The following TBC1D22A variants were observed in gnomAD, a reference collection of about 807,000 sequenced individuals.
TBC1D22A encodes putative GTPase activator.
TBC1D22A carries 38 observed loss-of-function variants against 60.2 expected under a neutral mutation model. The ratio of observed to expected loss-of-function variants is 0.63; its 90% CI spans 0.49 to 0.83. TBC1D22A has a LOEUF of 0.83. Ranked by LOEUF, TBC1D22A falls within the 40% of genes least tolerant of loss-of-function variation. The pLI is 0.00. For missense variants in TBC1D22A, 628 were observed against 701.0 expected, an observed-to-expected ratio of 0.90 and a Z score of 1.18; for synonymous variants, 302 against 281.7, an observed-to-expected ratio of 1.07 and a Z score of -0.72.
intron 4 of TBC1D22A, among the ~76,000 whole-genome samples, chr22:46,867,375 C>A (rs533437629): frequency 6.6e-6 from 1 of 152,268 alleles, no homozygotes; most frequent in African/African-American, 2.4e-5. Context: ...TGATGATGAA[C>A]CAAGTGGTGA....
At chr22:47,154,084 G>T (rs73481604) in intron 12 of TBC1D22A, among the ~76,000 whole-genome samples, 1 of 152,146 alleles carries the variant, frequency 6.6e-6, no homozygotes, top group Non-Finnish European at 1.5e-5. Context: ...GGAAGAGGGC[G>T]CGTGGCTGGC....
chr22:46,883,833 A>G (rs773738267), intron 5 of TBC1D22A, among the ~76,000 whole-genome samples: 12 of 152,238 alleles, frequency 7.9e-5, no homozygotes, highest in Non-Finnish European at 4.4e-5. Context: ...ACCCGGACAC[A>G]TTTCCCTGTG....
At chr22:46,853,647 C>G (rs553608923) in intron 4 of TBC1D22A, among the ~76,000 whole-genome samples, 1 of 152,326 alleles carries the variant, frequency 6.6e-6, no homozygotes, top group African/African-American at 2.4e-5. Flanking sequence ...ACCAAAGACA[C>G]CACATTTGCC....
intron 11 of TBC1D22A, among the ~76,000 whole-genome samples, chr22:47,103,872 A>T (rs548360389): frequency 5.5e-4 from 84 of 152,326 alleles, no homozygotes; most frequent in Non-Finnish European, 1.1e-3. Context: ...AACCGTATAT[A>T]TCATGACTTA....
intron 8 of TBC1D22A, among the ~76,000 whole-genome samples, chr22:46,937,001 G>A (rs190121097): frequency 2.0e-5 from 3 of 152,222 alleles, no homozygotes; most frequent in Admixed American, 1.3e-4. Flanking sequence ...TTTTTTGTGG[G>A]GGGCAGTGAC....
chr22:47,050,547 G>A (rs529991284), intron 11 of TBC1D22A, among the ~76,000 whole-genome samples: 46 of 152,322 alleles, frequency 3.0e-4, no homozygotes, highest in African/African-American at 9.6e-4. Flanking sequence ...CGTTCAGAGT[G>A]TTCACTGCAG....
At chr22:47,004,204 TAC>T (rs1196525081) in intron 10 of TBC1D22A, among the ~76,000 whole-genome samples, 1 of 139,518 alleles carries the variant, frequency 7.2e-6, no homozygotes, top group East Asian at 2.1e-4. Context: ...TCCTCATACA[TAC>T]ACACACCCCT....
intron 5 of TBC1D22A, among the ~76,000 whole-genome samples, chr22:46,882,000 T>C (rs1159230413): frequency 6.6e-6 from 1 of 152,182 alleles, no homozygotes; most frequent in Non-Finnish European, 1.5e-5. Flanking sequence ...CTGCAGGTGC[T>C]GGGGTTACAA....
At chr22:46,865,789 C>G (rs1355650169) in intron 4 of TBC1D22A, among the ~76,000 whole-genome samples, 3 of 152,220 alleles carry the variant, frequency 2.0e-5, no homozygotes, top group Non-Finnish European at 4.4e-5. Flanking sequence ...TTTGCTTACT[C>G]TTTGTTCTGG....
At chr22:46,853,774 G>A (rs1017301445) in intron 4 of TBC1D22A, among the ~76,000 whole-genome samples, 3 of 152,110 alleles carry the variant, frequency 2.0e-5, no homozygotes, top group African/African-American at 2.4e-5. Context: ...GCACTCACTC[G>A]AGGCAGGGCC....
intron 11 of TBC1D22A, among the ~76,000 whole-genome samples, chr22:47,068,284 T>A (rs977410876): frequency 3.3e-5 from 5 of 152,220 alleles, no homozygotes; most frequent in Non-Finnish European, 7.3e-5. Context: ...TCTGCCGGCA[T>A]CATTGGGTAG....
chr22:46,863,652 A>C (rs1311557799), intron 4 of TBC1D22A, among the ~76,000 whole-genome samples: 1 of 152,186 alleles, frequency 6.6e-6, no homozygotes, highest in Non-Finnish European at 1.5e-5. Context: ...TAGGGTTTTA[A>C]AAGTGTATTG....
chr22:46,799,928 G>A (rs1327163893), intron 4 of TBC1D22A, among the ~76,000 whole-genome samples: 2 of 152,218 alleles, frequency 1.3e-5, no homozygotes, highest in Admixed American at 1.3e-4. Flanking sequence ...CCACTGAAGA[G>A]CTCCCCTTTT....
At chr22:46,827,636 T>A (rs1015477976) in intron 4 of TBC1D22A, among the ~76,000 whole-genome samples, 26 of 152,314 alleles carry the variant, frequency 1.7e-4, no homozygotes, top group African/African-American at 6.0e-4. Flanking sequence ...CTGCTGTCAT[T>A]TCCACTTGAG....
In TBC1D22A at chr22:46,797,606, C is replaced by G. The variant is rs1352515275; in HGVS notation, c.623C>G (p.Pro208Arg). Residue 208 changes from proline (P) to arginine (R), a missense_variant, in exon 4 of 13, where the codon CCC becomes CGC. Physicochemically the swap from Pro to Arg is moderately radical, Grantham distance 103. Coordinates refer to ENST00000337137, the MANE Select transcript of TBC1D22A (RefSeq NM_014346.5). ...AAGTTCAAGCAGCTGCTTGCCGGCC[C>G]CAACACGGACCTTGGTAAGCACCCT... ...LDKFKQLLAG[P>R]NTDLEELRRL... 5.0e-6 allele frequency: 8 copies of G among 1,607,182 alleles called. No individual in the cohort carries two copies. Among genetic ancestry groups the G allele is most frequent in the Non-Finnish European group, 6.8e-6 (8 of 1,175,650 alleles).
chr22:47,082,687 A>G (rs2144410), intron 11 of TBC1D22A, among the ~76,000 whole-genome samples: 72,440 of 152,094 alleles, frequency 0.48, 18,037 homozygotes, highest in African/African-American at 0.6. Flanking sequence ...AGGTACTACT[A>G]CACGCCCTCC....
intron 10 of TBC1D22A, among the ~76,000 whole-genome samples, chr22:47,021,597 C>A (rs1162011371): frequency 6.6e-6 from 1 of 151,926 alleles, no homozygotes; most frequent in Non-Finnish European, 1.5e-5. Flanking sequence ...GAGCCCTGAG[C>A]AGGGAACCTA....
At chr22:46,969,226 G>A (rs1306322151) in intron 8 of TBC1D22A, among the ~76,000 whole-genome samples, 1 of 152,100 alleles carries the variant, frequency 6.6e-6, no homozygotes, top group African/African-American at 2.4e-5. Context: ...TTTTTCTGTT[G>A]CAGAAATAAC....
At chr22:46,880,241 G>A (rs189920984) in intron 5 of TBC1D22A, among the ~76,000 whole-genome samples, 52 of 152,314 alleles carry the variant, frequency 3.4e-4, no homozygotes, top group Admixed American at 1.9e-3. Context: ...AAGTGGCGAG[G>A]GAGCTTCCAG....
Sources: allele counts gnomAD v4.1 joint callset (sites outside exome capture counted in the v4.1 genomes callset), GRCh38; gene constraint gnomAD v4.1.1; transcripts MANE v1.5; gene names NCBI Gene and HGNC (gene_info 2026-07-23, HGNC 2026-07-21).